The following VPS13D variants were observed in gnomAD, a reference collection of about 807,000 sequenced individuals.
VPS13D encodes the protein intermembrane lipid transfer protein VPS13D.
A neutral mutation model predicts 461.9 loss-of-function variants in VPS13D; 187 were observed. The ratio of observed to expected loss-of-function variants is 0.40; its 90% CI spans 0.36 to 0.46. The LOEUF (loss-of-function observed/expected upper bound fraction) is 0.46, where lower values mean the gene tolerates loss of function less well. Among genes scored for constraint, VPS13D ranks in the 20% least tolerant of loss-of-function variants. The probability of loss-of-function intolerance (pLI) is 0.60; values close to 1 mark genes in which losing one functional copy is unlikely to be tolerated. For synonymous variants in VPS13D, 1,951 were observed against 1,986.3 expected (o/e 0.98, Z 0.47); for missense variants, 4,711 against 5,364.9 (o/e 0.88, Z 3.81).
intron 24 of VPS13D, among the ~76,000 whole-genome samples, chr1:12,296,315 C>T (rs1569839213): frequency 6.6e-6 from 1 of 152,168 alleles, no homozygotes; most frequent in Admixed American, 6.5e-5. Context: ...TAATTCATAT[C>T]TTTGCCAACA....
chr1:12,348,017 T>C (rs143652195), intron 44 of VPS13D, among the ~76,000 whole-genome samples: 2,935 of 152,370 alleles, frequency 0.019, 115 homozygotes, highest in Admixed American at 0.1. Flanking sequence ...CAAGTGATTA[T>C]TTTTAAAGTT....
chr1:12,447,682 A>T (rs1478304686), intron 65 of VPS13D, among the ~76,000 whole-genome samples: 1 of 152,244 alleles, frequency 6.6e-6, no homozygotes, highest in African/African-American at 2.4e-5. Flanking sequence ...GGTGCCCAGC[A>T]TCTATGATTA....
rs142328809 is a variant in VPS13D, at chr1:12,369,229, CTGTGTG to C, written c.10573-218_10573-213del. ...TATATGTATATATGTGTGTGTGTAT[CTGTGTG>C]TGTGTGTGTGTGTGTGTGTAGCACA... On this transcript the variant is annotated intron_variant, in intron 53 of 69. Coordinates refer to ENST00000620676, the MANE Select transcript of VPS13D (RefSeq NM_015378.4). Among the ~76,000 whole-genome samples, 12 of 147,564 alleles carry C rather than the reference CTGTGTG, an allele frequency of 8.1e-5. No individual in the cohort carries two copies. The South Asian group carries it at 1.1e-3, about 13-fold the overall frequency.
intron 67 of VPS13D, among the ~76,000 whole-genome samples, chr1:12,475,020 T>C (rs1264254855): frequency 2.0e-5 from 3 of 152,214 alleles, no homozygotes; most frequent in African/African-American, 7.2e-5. Context: ...GTGGTGGAGC[T>C]GACAGAGTAG....
chr1:12,477,855 CTG>C (rs1032166269), intron 67 of VPS13D, among the ~76,000 whole-genome samples: 1 of 152,112 alleles, frequency 6.6e-6, no homozygotes, highest in African/African-American at 2.4e-5. Context: ...TTCCCATCTC[CTG>C]TGGAACCTGG....
intron 29 of VPS13D, among the ~76,000 whole-genome samples, chr1:12,313,112 A>G (rs1557702978): frequency 6.6e-6 from 1 of 152,102 alleles, no homozygotes; most frequent in Non-Finnish European, 1.5e-5. Context: ...ATGACTGGGA[A>G]AGTGGTTTGG....
intron 65 of VPS13D, 134 bp downstream of exon 65, chr1:12,416,961 T>A: frequency 1.0e-6 from 1 of 971,090 alleles, no homozygotes. Context: ...ATGCCTTGCC[T>A]TTTCCTCACC....
intron 42 of VPS13D, 129 bp from the exon 43 acceptor site, chr1:12,345,245 A>G: frequency 9.5e-7 from 1 of 1,049,728 alleles, no homozygotes; most frequent in South Asian, 1.9e-5. Flanking sequence ...TGCATTAGGT[A>G]ATCTCCAAAA....
intron 23 of VPS13D, among the ~76,000 whole-genome samples, chr1:12,292,220 C>T (rs915402515): frequency 4.4e-5 from 6 of 136,210 alleles, no homozygotes; most frequent in African/African-American, 1.7e-4. Flanking sequence ...GATTGTGCCA[C>T]TGCACCACTC....
chr1:12,264,890 C>G (rs1641220078), intron 13 of VPS13D, among the ~76,000 whole-genome samples: 1 of 152,204 alleles, frequency 6.6e-6, no homozygotes, highest in Non-Finnish European at 1.5e-5. Context: ...AAGTCAATGC[C>G]TGGCTTCAAA....
intron 33 of VPS13D, 51 bp downstream of exon 33, chr1:12,322,015 C>A: frequency 6.3e-7 from 1 of 1,590,308 alleles, no homozygotes; most frequent in Non-Finnish European, 8.5e-7. Context: ...AAACACTGTC[C>A]TATGCAGGCA....
At chr1:12,336,915 G>A (rs1236214305) in intron 39 of VPS13D, 2 of 151,748 alleles carry the variant, frequency 1.3e-5, no homozygotes, top group Non-Finnish European at 2.9e-5. Context: ...CCAAGAGAGT[G>A]TGTTTCTAAA....
chr1:12,368,903 T>G (rs1644076377), intron 53 of VPS13D, among the ~76,000 whole-genome samples: 1 of 152,152 alleles, frequency 6.6e-6, no homozygotes, highest in African/African-American at 2.4e-5. Context: ...GAGGAAGACA[T>G]CGGCTTGTCA....
In VPS13D at chr1:12,507,119, C is replaced by G. The variant is rs901049234; in HGVS notation, c.13035+26C>G. On this transcript the variant is annotated intron_variant, in intron 69 of 69. Coordinates refer to ENST00000620676, the MANE Select transcript of VPS13D (RefSeq NM_015378.4). The surrounding 1 kb of genome is among the most constrained non-coding windows in gnomAD (Gnocchi z 5.3). ...GTGAGTGCCTGGCTGTTCTCAGGCT[C>G]CTGAGGGGCGGGGCCAGGGCCTCGA... 3.1e-6 allele frequency: 5 copies of G among 1,613,102 alleles called. No individual in the cohort carries two copies. In the African/African-American group the frequency reaches 6.7e-5, roughly 22 times the overall value.
At chr1:12,504,040 GCTGCT>G (rs1388841340) in intron 68 of VPS13D, among the ~76,000 whole-genome samples, 2 of 152,150 alleles carry the variant, frequency 1.3e-5, no homozygotes, top group African/African-American at 4.8e-5. Context: ...CCTGAGTTTT[GCTGCT>G]TCTCTCACAG....
intron 7 of VPS13D, among the ~76,000 whole-genome samples, chr1:12,256,000 A>G (rs1448357389): frequency 6.6e-6 from 1 of 152,056 alleles, no homozygotes; most frequent in Non-Finnish European, 1.5e-5. Context: ...ATAATACACT[A>G]TTGATTAGAT....
intron 60 of VPS13D, among the ~76,000 whole-genome samples, chr1:12,398,475 G>A (rs891505650): frequency 6.6e-6 from 1 of 152,046 alleles, no homozygotes; most frequent in Admixed American, 6.6e-5. Flanking sequence ...AGCCTTTAGG[G>A]GTTTAGGAAG....
chr1:12,284,308 G>A (rs889387054), intron 21 of VPS13D, among the ~76,000 whole-genome samples: 1 of 152,216 alleles, frequency 6.6e-6, no homozygotes, highest in Non-Finnish European at 1.5e-5. Flanking sequence ...TGAGTAAACT[G>A]AGGATGTTCA....
chr1:12,331,950 C>T (rs1643344552), intron 37 of VPS13D, among the ~76,000 whole-genome samples: 1 of 152,130 alleles, frequency 6.6e-6, no homozygotes, highest in Non-Finnish European at 1.5e-5. Context: ...TTGTGTGAGT[C>T]TATTTAAAGA....
Sources: allele counts gnomAD v4.1 joint callset (sites outside exome capture counted in the v4.1 genomes callset), GRCh38; gene constraint gnomAD v4.1.1; non-coding constraint Gnocchi (gnomAD v3.1); transcripts MANE v1.5; gene names NCBI Gene and HGNC (gene_info 2026-07-23, HGNC 2026-07-21).